Variants in ABCB5 observed in about 807,000 individuals in gnomAD.
ABCB5 encodes ATP binding cassette subfamily B member 5.
In ABCB5, 155 loss-of-function variants were observed where a neutral mutation model predicts 144.2. The ratio of observed to expected loss-of-function variants is 1.08; its 90% CI spans 0.94 to 1.23. The LOEUF is 1.23. Among genes scored for constraint, ABCB5 ranks in the 50% most tolerant of loss-of-function variants. The probability of loss-of-function intolerance (pLI) is 0.00; values close to 1 mark genes in which losing one functional copy is unlikely to be tolerated. For missense variants in ABCB5, 1,830 were observed against 1,520.8 expected, an observed-to-expected ratio of 1.20 and a Z score of -3.38; for synonymous variants, 610 against 528.6, an observed-to-expected ratio of 1.15 and a Z score of -2.11.
intron 16 of ABCB5, among the ~76,000 whole-genome samples, chr7:20,691,582 T>TTTTTTTTATTTATTTATTTA (rs141375130): frequency 6.8e-6 from 1 of 146,808 alleles, no homozygotes; most frequent in Non-Finnish European, 1.5e-5. Context: ...TTAAATTCAT[T>TTTTTTTTATTTATTTATTTA]TTTATTTATT....
chr7:20,732,378 T>C (rs1474338938), intron 23 of ABCB5, among the ~76,000 whole-genome samples: 5 of 152,248 alleles, frequency 3.3e-5, no homozygotes, highest in East Asian at 1.9e-4. Flanking sequence ...ATGACACTTA[T>C]GATTCTATGA....
chr7:20,620,143 A>G (rs1000322651), intron 1 of ABCB5, among the ~76,000 whole-genome samples: 5 of 152,104 alleles, frequency 3.3e-5, no homozygotes, highest in Non-Finnish European at 7.4e-5. Flanking sequence ...AGGATTGCTT[A>G]TAGATTAGAA....
Position 20,712,158 on chromosome 7 carries a change from C to CAAAAAAAAAAA in ABCB5, c.2421+7365_2421+7375dup, listed in dbSNP as rs34938819. ...CCTGGGTGACACAGCAAGACGCCGT[C>CAAAAAAAAAAA]AAAAAAAAAAAAAAAAAAAAAAAAG... On this transcript the variant is annotated intron_variant, in intron 20 of 27. Transcript: ENST00000404938. 1.1e-4 allele frequency among the ~76,000 whole-genome samples: 6 copies of CAAAAAAAAAAA among 52,644 alleles called. 1 individual carries two copies. The highest frequency in any genetic ancestry group is 4.9e-4 in the African/African-American group (6 of 12,224). 34.5% of individuals were successfully genotyped at this position (52,644 alleles called of 152,430 possible).
chr7:20,688,945 C>T (rs1333033304), intron 16 of ABCB5, among the ~76,000 whole-genome samples: 4 of 151,112 alleles, frequency 2.6e-5, no homozygotes, highest in Admixed American at 1.3e-4. Context: ...GGAAGGGGAA[C>T]ATCACACACC....
intron 14 of ABCB5, among the ~76,000 whole-genome samples, chr7:20,671,402 T>C (rs923865888): frequency 6.6e-6 from 1 of 152,220 alleles, no homozygotes; most frequent in African/African-American, 2.4e-5. Context: ...GGCGTATATG[T>C]ACACCAAAAT....
intron 14 of ABCB5, chr7:20,667,125 TC>T: frequency 3.7e-6 from 3 of 802,644 alleles, no homozygotes; most frequent in Non-Finnish European, 4.6e-6. Flanking sequence ...CACAGTTTTT[TC>T]CCTTTTAAGT....
chr7:20,753,316 A>G (rs778575636), intron 26 of ABCB5, 44 bp from the exon 27 acceptor site: 2 of 1,563,118 alleles, frequency 1.3e-6, no homozygotes, highest in Non-Finnish European at 8.7e-7. Context: ...ATGCTAATTT[A>G]AATAACCAAG....
intron 23 of ABCB5, among the ~76,000 whole-genome samples, chr7:20,735,515 C>A (rs1332577029): frequency 6.6e-6 from 1 of 152,178 alleles, no homozygotes; most frequent in Non-Finnish European, 1.5e-5. Flanking sequence ...GGAAAGACTT[C>A]TTTCCATGTT....
At chr7:20,654,179 GT>G (rs149803992) in intron 13 of ABCB5, among the ~76,000 whole-genome samples, 14,742 of 149,198 alleles carry the variant, frequency 0.099, 910 homozygotes, top group Non-Finnish European at 0.14. Flanking sequence ...AATCAGCACT[GT>G]TTTTTTTTTG....
chr7:20,716,207 ATC>A (rs1367557798), intron 20 of ABCB5, among the ~76,000 whole-genome samples: 2 of 152,288 alleles, frequency 1.3e-5, no homozygotes, highest in East Asian at 3.9e-4. Flanking sequence ...AAAAGTAAAA[ATC>A]ATTGGCTTCA....
chr7:20,630,413 C>CA (rs932089035), intron 4 of ABCB5, among the ~76,000 whole-genome samples: 5 of 150,386 alleles, frequency 3.3e-5, no homozygotes, highest in Admixed American at 2.0e-4. Flanking sequence ...ATCTTTAAAG[C>CA]AAAAAAAAAT....
At chr7:20,628,478 TA>T (rs2128018262) in intron 3 of ABCB5, among the ~76,000 whole-genome samples, 1 of 152,314 alleles carries the variant, frequency 6.6e-6, no homozygotes, top group Non-Finnish European at 1.5e-5. Context: ...TTAATGCCTT[TA>T]AAGGAGATGG....
intron 1 of ABCB5, among the ~76,000 whole-genome samples, chr7:20,616,242 G>T (rs1393414885): frequency 6.6e-6 from 1 of 152,106 alleles, no homozygotes; most frequent in Non-Finnish European, 1.5e-5. Context: ...CACCTTGTTG[G>T]ACAGGCTGGT....
intron 20 of ABCB5, among the ~76,000 whole-genome samples, chr7:20,715,190 C>G (rs779682080): frequency 2.0e-5 from 3 of 151,918 alleles, no homozygotes; most frequent in Non-Finnish European, 2.9e-5. Flanking sequence ...ATTACAGGTG[C>G]CTGCCATCAT....
At chr7:20,630,840 G>T (rs1438635929) in intron 4 of ABCB5, among the ~76,000 whole-genome samples, 1 of 140,650 alleles carries the variant, frequency 7.1e-6, no homozygotes, top group African/African-American at 2.9e-5. Context: ...TGCTATTGCT[G>T]TGAATTCTAA....
chr7:20,651,755 G>T, intron 13 of ABCB5, 132 bp downstream of exon 13: 1 of 952,614 alleles, frequency 1.0e-6, no homozygotes. Flanking sequence ...CCTAGAACAA[G>T]CTTGTCCAAC....
chr7:20,659,611 T>C, intron 14 of ABCB5: 1 of 991,048 alleles, frequency 1.0e-6, no homozygotes, highest in Non-Finnish European at 1.2e-6. Context: ...AATCTTTGTT[T>C]ACTGTGGACA....
At chr7:20,690,572 G>A (rs1189000048) in intron 16 of ABCB5, among the ~76,000 whole-genome samples, 1 of 152,168 alleles carries the variant, frequency 6.6e-6, no homozygotes, top group African/African-American at 2.4e-5. Flanking sequence ...TACTCCATGT[G>A]GCTACAGTTT....
At chr7:20,662,341 T>C (rs370617752) in intron 14 of ABCB5, among the ~76,000 whole-genome samples, 1 of 152,224 alleles carries the variant, frequency 6.6e-6, no homozygotes, top group East Asian at 1.9e-4. Flanking sequence ...AGACCTCTTA[T>C]GTTGTATTTA....
Sources: gnomAD v4.1 joint callset for allele counts (sites outside exome capture counted in the v4.1 genomes callset) on GRCh38, gnomAD v4.1.1 for gene constraint, MANE v1.5 for transcripts, NCBI Gene and HGNC (gene_info 2026-07-23, HGNC 2026-07-21) for gene names.